The following UNC5C variants were observed in gnomAD, a reference collection of about 807,000 sequenced individuals.
UNC5C encodes the protein netrin receptor UNC5C.
UNC5C carries 47 observed loss-of-function variants against 99.8 expected under a neutral mutation model. The observed-to-expected ratio is 0.47, with a 90% CI of 0.37 to 0.60. UNC5C has a LOEUF of 0.60. Among genes scored for constraint, UNC5C ranks in the 20% least tolerant of loss-of-function variants. The pLI is 0.00. For missense variants in UNC5C, 1,062 were observed against 1,165.9 expected, an observed-to-expected ratio of 0.91 and a Z score of 1.30; for synonymous variants, 487 against 452.2, an observed-to-expected ratio of 1.08 and a Z score of -0.98.
At chr4:95,206,294 T>G (rs2149362161) in intron 11 of UNC5C, among the ~76,000 whole-genome samples, 1 of 151,860 alleles carries the variant, frequency 6.6e-6, no homozygotes, top group African/African-American at 2.4e-5. Flanking sequence ...CCACCCCATA[T>G]ACATATATAT....
intron 13 of UNC5C, 84 bp from the exon 14 acceptor site, chr4:95,183,145 G>A: frequency 7.4e-7 from 1 of 1,357,592 alleles, no homozygotes; most frequent in Non-Finnish European, 1.0e-6. Context: ...GGTACTCTGA[G>A]TATCACACCT....
At chr4:95,403,242 A>G (rs1347744561) in intron 1 of UNC5C, among the ~76,000 whole-genome samples, 1 of 152,228 alleles carries the variant, frequency 6.6e-6, no homozygotes, top group Non-Finnish European at 1.5e-5. Flanking sequence ...TTGAAATCCC[A>G]AAGGCAGAAA....
chr4:95,391,144 T>C (rs1390168050), intron 1 of UNC5C, among the ~76,000 whole-genome samples: 2 of 152,352 alleles, frequency 1.3e-5, no homozygotes, highest in East Asian at 3.9e-4. Context: ...TCTGCCATGA[T>C]TGTGAGGCCT....
At chr4:95,173,407 T>TA (rs1374059035) in intron 14 of UNC5C, among the ~76,000 whole-genome samples, 13 of 148,920 alleles carry the variant, frequency 8.7e-5, no homozygotes, top group African/African-American at 3.2e-4. Flanking sequence ...TATTTTGAGA[T>TA]ACGTCCCATC....
chr4:95,400,321 G>A (rs1745650183), intron 1 of UNC5C, among the ~76,000 whole-genome samples: 1 of 148,628 alleles, frequency 6.7e-6, no homozygotes, highest in South Asian at 2.2e-4. Context: ...GCTCAGAGCA[G>A]ACCTTGATCA....
At chr4:95,535,028 G>A (rs952566371) in intron 1 of UNC5C, among the ~76,000 whole-genome samples, 5 of 152,070 alleles carry the variant, frequency 3.3e-5, no homozygotes, top group Admixed American at 2.0e-4. Context: ...TTGTCTTTAC[G>A]AATACAGCAA....
chr4:95,444,518 A>G (rs1342389712), intron 1 of UNC5C, among the ~76,000 whole-genome samples: 4 of 152,006 alleles, frequency 2.6e-5, no homozygotes, highest in Non-Finnish European at 5.9e-5. Flanking sequence ...TTTTTAGTAG[A>G]GACGGGGTTT....
intron 2 of UNC5C, among the ~76,000 whole-genome samples, chr4:95,318,650 G>A (rs1742568175): frequency 1.3e-5 from 2 of 152,130 alleles, no homozygotes; most frequent in Non-Finnish European, 2.9e-5. Flanking sequence ...GGGTCATCCA[G>A]GGTGTAGCTA....
At chr4:95,538,516 A>T (rs1011317961) in intron 1 of UNC5C, among the ~76,000 whole-genome samples, 6 of 152,138 alleles carry the variant, frequency 3.9e-5, no homozygotes, top group African/African-American at 1.2e-4. Context: ...TAGGATTTAG[A>T]CTTGTAATCT....
At position 95,168,434 on chromosome 4, in the gene UNC5C, A is replaced by C. The variant is rs1382931456; in HGVS notation, c.*800T>G. On this transcript the variant is annotated 3_prime_UTR_variant, in exon 16 of 16. Coordinates refer to ENST00000453304, the MANE Select transcript of UNC5C (RefSeq NM_003728.4). ...ACCAGAATACCTGTAAATAATAATA[A>C]TACCTTTAAAAAAAAACACTTCATA... 6.6e-6 allele frequency: 1 copy of C among 152,492 alleles called. No homozygotes were observed. The highest frequency in any genetic ancestry group is 1.5e-5 in the Non-Finnish European group (1 of 68,024). 9.4% of individuals were successfully genotyped at this position (152,492 alleles called of 1,614,324 possible).
intron 4 of UNC5C, among the ~76,000 whole-genome samples, chr4:95,257,987 TTGTC>T (rs1740070980): frequency 1.3e-5 from 2 of 152,214 alleles, no homozygotes; most frequent in South Asian, 4.1e-4. Context: ...ATGTAAAGGA[TTGTC>T]TGAATCAGCA....
chr4:95,464,993 T>C lies in UNC5C; in HGVS notation c.124+83741A>G, dbSNP rs1578177974. ...TTAAATAATGAAAAAGATATTCTTG[T>C]GGAGCTTTTCACAGAGAGATGATCC... On this transcript the variant is annotated intron_variant, in intron 1 of 15. Coordinates refer to ENST00000453304, the MANE Select transcript of UNC5C (RefSeq NM_003728.4). Among the ~76,000 whole-genome samples the C allele has an allele frequency of 2.0e-5, 3 of 152,130 alleles. No individual in the cohort carries two copies. The East Asian group carries it at 5.8e-4, about 29-fold the overall frequency.
chr4:95,172,082 GGTT>G (rs1454919120), intron 14 of UNC5C, among the ~76,000 whole-genome samples: 3 of 147,052 alleles, frequency 2.0e-5, no homozygotes, highest in Non-Finnish European at 4.5e-5. Context: ...TTTTTGATGG[GGTT>G]GTTTGTTTTT....
chr4:95,194,180 C>G (rs1026454095), intron 12 of UNC5C, among the ~76,000 whole-genome samples: 2 of 152,164 alleles, frequency 1.3e-5, no homozygotes. Context: ...GGTGCTCAGG[C>G]AAGCAGCGTG....
chr4:95,457,481 G>C (rs6532557), intron 1 of UNC5C, among the ~76,000 whole-genome samples: 24,495 of 152,002 alleles, frequency 0.16, 2,528 homozygotes, highest in Middle Eastern at 0.25. Flanking sequence ...CTTTTCATCT[G>C]TCTGGGAAAA....
intron 14 of UNC5C, among the ~76,000 whole-genome samples, chr4:95,178,540 G>C (rs1736465867): frequency 6.6e-6 from 1 of 152,230 alleles, no homozygotes; most frequent in African/African-American, 2.4e-5. Flanking sequence ...CACACAAGAA[G>C]CTACTCAATT....
intron 14 of UNC5C, among the ~76,000 whole-genome samples, chr4:95,175,643 G>C (rs911141222): frequency 2.4e-4 from 36 of 152,092 alleles, no homozygotes; most frequent in Non-Finnish European, 4.0e-4. Context: ...CCCTTTGTGG[G>C]TAACCCGACC....
intron 1 of UNC5C, among the ~76,000 whole-genome samples, chr4:95,452,866 T>C (rs961330982): frequency 2.0e-5 from 3 of 152,048 alleles, no homozygotes; most frequent in African/African-American, 4.8e-5. Flanking sequence ...AGAAAGAGGG[T>C]AAGGTAAAAG....
At chr4:95,370,076 C>T (rs1190830274) in intron 1 of UNC5C, among the ~76,000 whole-genome samples, 20 of 152,134 alleles carry the variant, frequency 1.3e-4, no homozygotes, top group Admixed American at 1.2e-3. Context: ...TAGAGCTGCG[C>T]TCTCCAACAC....
Sources: allele counts gnomAD v4.1 joint callset (sites outside exome capture counted in the v4.1 genomes callset), GRCh38; gene constraint gnomAD v4.1.1; transcripts MANE v1.5; gene names NCBI Gene and HGNC (gene_info 2026-07-23, HGNC 2026-07-21).